Variants in GSE1 observed in about 807,000 individuals in gnomAD.
GSE1 encodes Gse1 coiled-coil protein, also known as genetic suppressor element 1.
Under a neutral mutation model 112.6 loss-of-function variants are expected in GSE1, and 32 were observed. The observed-to-expected ratio is 0.28, with a 90% CI of 0.21 to 0.38. The LOEUF (loss-of-function observed/expected upper bound fraction) is 0.38, where lower values mean the gene tolerates loss of function less well. Among genes scored for constraint, GSE1 ranks in the 10% least tolerant of loss-of-function variants. The pLI is 1.00. For missense variants in GSE1, 2,348 were observed against 1,699.2 expected, an observed-to-expected ratio of 1.38 and a Z score of -6.71; for synonymous variants, 1,115 against 735.6, an observed-to-expected ratio of 1.52 and a Z score of -8.35.
At chr16:85,560,167 C>G (rs2045450110) in intron 1 of GSE1, among the ~76,000 whole-genome samples, 1 of 114,808 alleles carries the variant, frequency 8.7e-6, no homozygotes, top group Non-Finnish European at 1.6e-5. Context: ...GACGGAGTCT[C>G]TCTCTCTTGC....
At chr16:85,305,072 G>T (rs1281612482) in intron 1 of GSE1, among the ~76,000 whole-genome samples, 2 of 152,154 alleles carry the variant, frequency 1.3e-5, no homozygotes, top group African/African-American at 4.8e-5. Flanking sequence ...TTCCCCTAGG[G>T]CACATGCCAT....
intron 2 of GSE1, among the ~76,000 whole-genome samples, chr16:85,396,741 A>T (rs1480898649): frequency 6.6e-6 from 1 of 152,188 alleles, no homozygotes; most frequent in Non-Finnish European, 1.5e-5. Context: ...CCCCGTGGGG[A>T]CTTGACCCAG....
At chr16:85,323,471 G>C (rs1021584025) in intron 1 of GSE1, among the ~76,000 whole-genome samples, 2 of 152,168 alleles carry the variant, frequency 1.3e-5, no homozygotes, top group African/African-American at 4.8e-5. Context: ...GACAGGCCCA[G>C]AGAGACAGGG....
chr16:85,494,141 T>A (rs2051096851), intron 2 of GSE1, among the ~76,000 whole-genome samples: 1 of 152,244 alleles, frequency 6.6e-6, no homozygotes, highest in African/African-American at 2.4e-5. Context: ...CAGAGGGGCT[T>A]ATAACAACAG....
intron 2 of GSE1, among the ~76,000 whole-genome samples, chr16:85,370,002 G>A (rs1303419753): frequency 1.3e-5 from 2 of 152,184 alleles, no homozygotes; most frequent in Non-Finnish European, 2.9e-5. Context: ...CCCCTTGAGA[G>A]GGTGGCCTCA....
intron 2 of GSE1, among the ~76,000 whole-genome samples, chr16:85,472,883 G>A (rs1396016553): frequency 6.6e-6 from 1 of 152,252 alleles, no homozygotes; most frequent in South Asian, 2.1e-4. Context: ...GCCTCTCCTG[G>A]GCTCCCTGCA....
intron 1 of GSE1, among the ~76,000 whole-genome samples, chr16:85,287,659 T>C (rs994431375): frequency 2.6e-5 from 4 of 152,020 alleles, no homozygotes; most frequent in Admixed American, 1.3e-4. Context: ...GTGGGGTCTT[T>C]CCTGACCACC....
At chr16:85,172,740 G>GT (rs1375645404) in intron 1 of GSE1, among the ~76,000 whole-genome samples, 3 of 152,240 alleles carry the variant, frequency 2.0e-5, no homozygotes. Context: ...GCAGAGGGAC[G>GT]TGTGGATGGG....
intron 1 of GSE1, among the ~76,000 whole-genome samples, chr16:85,318,455 G>C (rs1242893538): frequency 2.0e-5 from 3 of 152,062 alleles, no homozygotes; most frequent in Admixed American, 2.0e-4. Flanking sequence ...TGTAAAGTGG[G>C]AACCTCCCTA....
intron 1 of GSE1, among the ~76,000 whole-genome samples, chr16:85,290,232 C>T (rs1186307753): frequency 2.0e-5 from 3 of 152,194 alleles, no homozygotes; most frequent in East Asian, 1.9e-4. Flanking sequence ...AGGCCCCGCC[C>T]GCACTTCCCT....
intron 2 of GSE1, among the ~76,000 whole-genome samples, chr16:85,515,434 T>G (rs973879795): frequency 2.0e-5 from 3 of 152,224 alleles, no homozygotes; most frequent in Admixed American, 1.3e-4. Flanking sequence ...CTTCTTTAGC[T>G]TCGGGGCCTG....
At chr16:85,262,891 G>C (rs1405186377) in intron 1 of GSE1, among the ~76,000 whole-genome samples, 1 of 152,210 alleles carries the variant, frequency 6.6e-6, no homozygotes, top group Non-Finnish European at 1.5e-5. Flanking sequence ...AGTGTTAATT[G>C]ACTACCGACT....
chr16:85,401,023 T>C (rs2048102460), intron 2 of GSE1, among the ~76,000 whole-genome samples: 1 of 152,098 alleles, frequency 6.6e-6, no homozygotes, highest in Admixed American at 6.5e-5. Flanking sequence ...CGGGTGCAGA[T>C]CCAGAGACCC....
intron 1 of GSE1, among the ~76,000 whole-genome samples, chr16:85,202,391 G>A (rs2075044549): frequency 6.6e-6 from 1 of 152,242 alleles, no homozygotes; most frequent in Non-Finnish European, 1.5e-5. Context: ...GGGAGTATTG[G>A]AACAAGCGGC....
chr16:85,596,011 C>T (rs56160440), intron 1 of GSE1, among the ~76,000 whole-genome samples: 116,760 of 142,624 alleles, frequency 0.82, 47,921 homozygotes, highest in African/African-American at 0.9. Flanking sequence ...CACCCATTCT[C>T]CCATCTGCCC....
intron 1 of GSE1, among the ~76,000 whole-genome samples, chr16:85,333,737 C>A (rs1315719794): frequency 1.3e-5 from 2 of 152,170 alleles, no homozygotes; most frequent in Admixed American, 1.3e-4. Flanking sequence ...CTGGACGCCT[C>A]TTCTGGAGAT....
chr16:85,289,251 C>T (rs1304748500), intron 1 of GSE1, among the ~76,000 whole-genome samples: 1 of 152,144 alleles, frequency 6.6e-6, no homozygotes, highest in South Asian at 2.1e-4. Flanking sequence ...CTTGTGAGTT[C>T]ATCCTCCCGC....
At chr16:85,314,557 TAC>T (rs111399307) in intron 1 of GSE1, among the ~76,000 whole-genome samples, 11 of 152,062 alleles carry the variant, frequency 7.2e-5, no homozygotes, top group East Asian at 1.9e-4. Flanking sequence ...CATGAGCATG[TAC>T]ACACACACAC....
chr16:85,195,056 T>C (rs7200824), intron 1 of GSE1, among the ~76,000 whole-genome samples: 90,883 of 151,888 alleles, frequency 0.6, 27,827 homozygotes, highest in African/African-American at 0.73. Context: ...ACAGACCTGT[T>C]CAGACTCCAC....
Sources: gnomAD v4.1 joint callset for allele counts (sites outside exome capture counted in the v4.1 genomes callset) on GRCh38, gnomAD v4.1.1 for gene constraint, MANE v1.5 for transcripts, NCBI Gene and HGNC (gene_info 2026-07-23, HGNC 2026-07-21) for gene names.